Variants in GRM8 observed in about 807,000 individuals in gnomAD.
GRM8 encodes metabotropic glutamate receptor 8.
GRM8 carries 47 observed loss-of-function variants against 87.2 expected under a neutral mutation model. The observed-to-expected ratio is 0.54, with a 90% CI of 0.43 to 0.69. GRM8 has a LOEUF of 0.69. Ranked by LOEUF, GRM8 falls within the 30% of genes least tolerant of loss-of-function variation. The pLI is 0.00. For synonymous variants in GRM8, 396 were observed against 404.5 expected (o/e 0.98, Z 0.25); for missense variants, 1,019 against 1,139.2 (o/e 0.89, Z 1.52).
At chr7:126,908,133 G>T (rs761904212) in intron 3 of GRM8, among the ~76,000 whole-genome samples, 1 of 152,208 alleles carries the variant, frequency 6.6e-6, no homozygotes, top group Non-Finnish European at 1.5e-5. Flanking sequence ...GAGCTAAAGA[G>T]AGAGAAGGGA....
intron 9 of GRM8, among the ~76,000 whole-genome samples, chr7:126,488,209 G>A (rs372679736): frequency 9.9e-5 from 15 of 151,940 alleles, no homozygotes; most frequent in Non-Finnish European, 1.2e-4. Context: ...TCATGGTAGC[G>A]AAGAACAGAA....
At chr7:127,103,195 A>G (rs2133049455) in intron 3 of GRM8, among the ~76,000 whole-genome samples, 1 of 152,310 alleles carries the variant, frequency 6.6e-6, no homozygotes. Context: ...GACTATTGCA[A>G]TGGAAAAGGA....
At chr7:127,233,776 T>C (rs1345780005) in intron 2 of GRM8, among the ~76,000 whole-genome samples, 2 of 152,164 alleles carry the variant, frequency 1.3e-5, no homozygotes, top group African/African-American at 2.4e-5. Context: ...TGAGAACACA[T>C]GTCTATTAGC....
Position 126,902,692 on chromosome 7 carries a change from A to C in GRM8, c.1019-13T>G. 2 of 1,553,608 alleles carry C rather than the reference A, an allele frequency of 1.3e-6. No individual in the cohort carries two copies. The highest frequency in any genetic ancestry group is 8.7e-7 in the Non-Finnish European group (1 of 1,142,966). On this transcript the variant is annotated splice_polypyrimidine_tract_variant and intron_variant, in intron 5 of 10. Coordinates refer to ENST00000339582, the MANE Select transcript of GRM8 (RefSeq NM_000845.3). ...TATCGATCAAATCCTATTTCAAAGG[A>C]GAAAGGTATGATTTTAATATTCTTT...
intron 8 of GRM8, among the ~76,000 whole-genome samples, chr7:126,554,595 A>C (rs1792940884): frequency 6.6e-6 from 1 of 152,148 alleles, no homozygotes; most frequent in South Asian, 2.1e-4. Context: ...CCTATTTCAA[A>C]AAAACTAAAA....
chr7:126,671,378 C>A (rs184201813), intron 7 of GRM8, among the ~76,000 whole-genome samples: 1 of 152,298 alleles, frequency 6.6e-6, no homozygotes, highest in African/African-American at 2.4e-5. Flanking sequence ...AATAGTTATT[C>A]TTGCTGCACT....
intron 2 of GRM8, among the ~76,000 whole-genome samples, chr7:127,162,093 T>G (rs536271909): frequency 5.9e-5 from 9 of 152,314 alleles, no homozygotes; most frequent in African/African-American, 2.2e-4. Flanking sequence ...GGTTATACAA[T>G]GTTGAACTAT....
chr7:126,487,563 C>T (rs1807519038), intron 9 of GRM8, among the ~76,000 whole-genome samples: 1 of 151,904 alleles, frequency 6.6e-6, no homozygotes, highest in Admixed American at 6.6e-5. Context: ...TGACCTTTCC[C>T]TATACTATTA....
chr7:126,948,790 A>T (rs1463578853), intron 3 of GRM8, among the ~76,000 whole-genome samples: 1 of 152,226 alleles, frequency 6.6e-6, no homozygotes, highest in Non-Finnish European at 1.5e-5. Context: ...GGGCCAGCCC[A>T]AGGACCACAG....
chr7:126,836,162 C>T (rs1374921977), intron 6 of GRM8, among the ~76,000 whole-genome samples: 1 of 151,912 alleles, frequency 6.6e-6, no homozygotes, highest in Admixed American at 6.6e-5. Context: ...TTTTCTAGAA[C>T]CTTATATTAA....
At chr7:127,100,454 T>G (rs904562796) in intron 3 of GRM8, among the ~76,000 whole-genome samples, 2 of 152,218 alleles carry the variant, frequency 1.3e-5, no homozygotes, top group African/African-American at 4.8e-5. Context: ...TACCTCCCAT[T>G]GCAATGTCTA....
intron 7 of GRM8, among the ~76,000 whole-genome samples, chr7:126,745,859 G>A (rs1466722032): frequency 2.0e-5 from 3 of 151,660 alleles, no homozygotes; most frequent in Non-Finnish European, 4.4e-5. Context: ...AAGCTATTTA[G>A]AATTACGTGT....
intron 10 of GRM8, among the ~76,000 whole-genome samples, chr7:126,445,882 G>A (rs1288151338): frequency 6.6e-6 from 1 of 151,950 alleles, no homozygotes; most frequent in African/African-American, 2.4e-5. Context: ...TCAAAAGAAA[G>A]ATCTGAATGT....
chr7:126,696,352 A>G (rs545338321), intron 7 of GRM8, among the ~76,000 whole-genome samples: 8 of 152,214 alleles, frequency 5.3e-5, no homozygotes, highest in African/African-American at 1.9e-4. Flanking sequence ...CGCATGTATT[A>G]GCTATTTGAT....
chr7:127,015,377 G>A lies in GRM8; in HGVS notation c.727+91119C>T, dbSNP rs145287246. On this transcript the variant is annotated intron_variant, in intron 3 of 10. Transcript: ENST00000339582. ...TACATCACATAGACCAAACCACTGT[G>A]TCCAGAGATTTGTGATATGCTGATA... Among the ~76,000 whole-genome samples, 265 of 152,222 alleles carry A rather than the reference G, an allele frequency of 1.7e-3. 1 individual carries two copies. Among genetic ancestry groups the A allele is most frequent in the Middle Eastern group, 3.4e-3 (1 of 294 alleles).
intron 2 of GRM8, among the ~76,000 whole-genome samples, chr7:127,180,287 A>C (rs755262002): frequency 6.6e-6 from 1 of 152,116 alleles, no homozygotes; most frequent in African/African-American, 2.4e-5. Flanking sequence ...CAACCCTTCT[A>C]GCTTAAATCA....
intron 7 of GRM8, among the ~76,000 whole-genome samples, chr7:126,610,361 T>A (rs76347259): frequency 0.014 from 2,072 of 152,204 alleles, 46 homozygotes; most frequent in African/African-American, 0.048. Context: ...TCTACATTTT[T>A]TTATTATTAT....
intron 8 of GRM8, among the ~76,000 whole-genome samples, chr7:126,586,068 A>G (rs1020826608): frequency 6.6e-6 from 1 of 152,052 alleles, no homozygotes; most frequent in African/African-American, 2.4e-5. Flanking sequence ...TCATGAATGG[A>G]CTCCCATTCA....
intron 8 of GRM8, among the ~76,000 whole-genome samples, chr7:126,598,400 A>AT (rs1199437734): frequency 6.6e-6 from 1 of 152,080 alleles, no homozygotes; most frequent in Non-Finnish European, 1.5e-5. Context: ...AGTTTTGTAT[A>AT]TTCTTAAAAT....
Sources: gnomAD v4.1 joint callset for allele counts (sites outside exome capture counted in the v4.1 genomes callset) on GRCh38, gnomAD v4.1.1 for gene constraint, MANE v1.5 for transcripts, NCBI Gene and HGNC (gene_info 2026-07-23, HGNC 2026-07-21) for gene names.